DLGAP1: variants seen among roughly 807,000 people sequenced by gnomAD.
DLGAP1 encodes the protein DLG associated protein 1.
In DLGAP1, 11 loss-of-function variants were observed where a neutral mutation model predicts 90.8. The ratio of observed to expected loss-of-function variants is 0.12; its 90% confidence interval spans 0.08 to 0.20. DLGAP1 has a LOEUF of 0.20. Ranked by LOEUF, DLGAP1 falls within the 10% of genes least tolerant of loss-of-function variation. The probability of loss-of-function intolerance (pLI) is 1.00; values close to 1 mark genes in which losing one functional copy is unlikely to be tolerated. For synonymous variants in DLGAP1, 558 were observed against 540.7 expected, an observed-to-expected ratio of 1.03 and a Z score of -0.44; for missense variants, 1,050 against 1,333.8, an observed-to-expected ratio of 0.79 and a Z score of 3.31.
At chr18:4,377,803 T>C (rs2082044155) in intron 1 of DLGAP1, among the ~76,000 whole-genome samples, 1 of 152,042 alleles carries the variant, frequency 6.6e-6, no homozygotes, top group South Asian at 2.1e-4. Flanking sequence ...CAGTAGAGCC[T>C]TTTCAGAAGA....
chr18:4,174,831 C>G (rs2144613379), intron 1 of DLGAP1, among the ~76,000 whole-genome samples: 1 of 152,240 alleles, frequency 6.6e-6, no homozygotes, highest in Admixed American at 6.5e-5. Context: ...TCTCATTGTT[C>G]AACTCTCACT....
At chr18:4,042,727 G>A (rs1161022419) in intron 2 of DLGAP1, among the ~76,000 whole-genome samples, 1 of 152,146 alleles carries the variant, frequency 6.6e-6, no homozygotes, top group Non-Finnish European at 1.5e-5. Context: ...CTGACAGAGC[G>A]AGACTTTGTC....
At chr18:4,321,431 A>G (rs895215044) in intron 1 of DLGAP1, among the ~76,000 whole-genome samples, 2 of 152,210 alleles carry the variant, frequency 1.3e-5, no homozygotes, top group Non-Finnish European at 2.9e-5. Flanking sequence ...GTAGTTTGTC[A>G]TTTATTCTCT....
At chr18:4,027,593 C>T (rs1218753758) in intron 2 of DLGAP1, among the ~76,000 whole-genome samples, 2 of 149,894 alleles carry the variant, frequency 1.3e-5, no homozygotes, top group Non-Finnish European at 3.0e-5. Flanking sequence ...CTAGTGAGCC[C>T]AGAGTCTGGG....
chr18:4,330,516 C>A (rs1183770479), intron 1 of DLGAP1, among the ~76,000 whole-genome samples: 1 of 151,680 alleles, frequency 6.6e-6, no homozygotes, highest in Non-Finnish European at 1.5e-5. Flanking sequence ...AAAAATATTT[C>A]TCTAATTATT....
chr18:3,704,258 C>T (rs1001088631), intron 7 of DLGAP1, among the ~76,000 whole-genome samples: 2 of 152,104 alleles, frequency 1.3e-5, no homozygotes, highest in Non-Finnish European at 2.9e-5. Context: ...GGAGAGGTGG[C>T]AATTCTGTTT....
chr18:3,642,149 T>C (rs974679014), intron 7 of DLGAP1, among the ~76,000 whole-genome samples: 1 of 152,184 alleles, frequency 6.6e-6, no homozygotes, highest in Non-Finnish European at 1.5e-5. Flanking sequence ...CCCATCTCAT[T>C]AGATTGTGCC....
At chr18:4,147,437 T>C (rs139968077) in intron 2 of DLGAP1, among the ~76,000 whole-genome samples, 2,336 of 152,288 alleles carry the variant, frequency 0.015, 21 homozygotes, top group Non-Finnish European at 0.021. Flanking sequence ...ATATTGAGTA[T>C]GGGCTTATAT....
intron 3 of DLGAP1, among the ~76,000 whole-genome samples, chr18:3,881,103 TTC>T (rs2071154772): frequency 6.6e-6 from 1 of 150,852 alleles, no homozygotes; most frequent in Non-Finnish European, 1.5e-5. Context: ...TTGGGTCTTA[TTC>T]TTTTTTTTCT....
At chr18:4,290,348 T>C (rs927511135) in intron 1 of DLGAP1, among the ~76,000 whole-genome samples, 2 of 152,196 alleles carry the variant, frequency 1.3e-5, no homozygotes, top group Non-Finnish European at 1.5e-5. Context: ...AGAATATGGG[T>C]GTAAAACAGA....
rs144132001 is a variant in DLGAP1, at chr18:3,588,500, G to A, written c.1592-6252C>T. On this transcript the variant is annotated intron_variant, in intron 7 of 12. Coordinates refer to ENST00000315677, the MANE Select transcript of DLGAP1 (RefSeq NM_004746.4). ...TATATTTTTAAGAAAGACATTATAC[G>A]GCAGAGTGCGGTGGCTCGCTCCTGT... 7.8e-3 allele frequency among the ~76,000 whole-genome samples: 1,183 copies of A among 151,228 alleles called. 19 individuals are homozygous for A. The highest frequency in any genetic ancestry group is 0.027 in the African/African-American group (1,127 of 41,238).
intron 1 of DLGAP1, among the ~76,000 whole-genome samples, chr18:4,176,944 G>C (rs1364590815): frequency 4.6e-5 from 7 of 152,038 alleles, no homozygotes; most frequent in Admixed American, 3.9e-4. Flanking sequence ...CCTACCTGTT[G>C]GCCCCAACAT....
At chr18:3,501,960 A>AC (rs567369507) in intron 12 of DLGAP1, among the ~76,000 whole-genome samples, 119 of 152,042 alleles carry the variant, frequency 7.8e-4, no homozygotes, top group African/African-American at 2.8e-3. Flanking sequence ...AAAAAAAAAA[A>AC]AAAAAAAAAC....
At chr18:3,876,288 C>T (rs1198409915) in intron 4 of DLGAP1, among the ~76,000 whole-genome samples, 2 of 152,102 alleles carry the variant, frequency 1.3e-5, no homozygotes, top group African/African-American at 4.8e-5. Context: ...TCTTTCTTCC[C>T]TTTCTTTACA....
intron 2 of DLGAP1, among the ~76,000 whole-genome samples, chr18:4,046,263 G>T (rs993893385): frequency 6.6e-6 from 1 of 152,174 alleles, no homozygotes; most frequent in Non-Finnish European, 1.5e-5. Context: ...AGCTTCTAAA[G>T]ATTGCATAAT....
rs1336284799 is a variant in DLGAP1 at position 4,294,859 on chromosome 18, G to A, written c.-266-143572C>T. 2.0e-5 allele frequency: 3 copies of A among 152,322 alleles called. No individual in the cohort carries two copies. The East Asian group carries it at 5.8e-4, about 29-fold the overall frequency. 9.4% of individuals were successfully genotyped at this position (152,322 alleles called of 1,614,324 possible). A position where few individuals can be genotyped will look rare whatever the true frequency, so the allele number is the denominator to read the frequency against. On this transcript the variant is annotated intron_variant, in intron 1 of 12. Transcript: ENST00000315677. ...GGGAAACTGGACAGGGGATGGAGTGGGAAGATCATCTTCCCCTGGAGCTTG... is the reference window on the plus strand; with the variant it reads ...GGGAAACTGGACAGGGGATGGAGTGAGAAGATCATCTTCCCCTGGAGCTTG...
intron 1 of DLGAP1, among the ~76,000 whole-genome samples, chr18:4,164,239 A>T (rs2076895566): frequency 6.6e-6 from 1 of 152,218 alleles, no homozygotes; most frequent in Admixed American, 6.5e-5. Context: ...TACCATTAAA[A>T]AAAGAAAAAT....
At chr18:4,451,338 G>C (rs1373190036) in intron 1 of DLGAP1, among the ~76,000 whole-genome samples, 2 of 152,136 alleles carry the variant, frequency 1.3e-5, no homozygotes, top group Non-Finnish European at 2.9e-5. Flanking sequence ...CTCTGTAGGT[G>C]TGTGTTTGGC....
At chr18:4,124,507 TAAGA>T (rs1457754522) in intron 2 of DLGAP1, among the ~76,000 whole-genome samples, 23 of 152,264 alleles carry the variant, frequency 1.5e-4, no homozygotes, top group Non-Finnish European at 2.4e-4. Context: ...CTCTGGCTCG[TAAGA>T]TACGGAACAG....
Sources: gnomAD v4.1 joint callset for allele counts (sites outside exome capture counted in the v4.1 genomes callset) on GRCh38, gnomAD v4.1.1 for gene constraint, MANE v1.5 for transcripts, NCBI Gene and HGNC (gene_info 2026-07-23, HGNC 2026-07-21) for gene names.